ATP11C: variants seen among roughly 807,000 people sequenced by gnomAD.
The protein encoded by ATP11C is ATPase phospholipid transporting 11C (ATP11C blood group).
A neutral mutation model predicts 97.4 loss-of-function variants in ATP11C; 36 were observed. That is an observed-to-expected ratio of 0.37 (90% CI 0.28 to 0.49). The LOEUF is 0.49. Ranked by LOEUF, ATP11C falls within the 20% of genes least tolerant of loss-of-function variation. ATP11C has a pLI of 0.98. For synonymous variants in ATP11C, 275 were observed against 290.9 expected (o/e 0.95, Z 0.56); for missense variants, 730 against 824.6 (o/e 0.89, Z 1.40).
At chrX:139,733,988 A>C (rs1416249463) in intron 28 of ATP11C, among the ~76,000 whole-genome samples, 1 of 111,388 alleles carries the variant, frequency 9.0e-6, no homozygotes. Flanking sequence ...AACAGGAGAT[A>C]ATGAGCTAAA....
At chrX:139,818,775 C>T (rs2083342039) in intron 3 of ATP11C, among the ~76,000 whole-genome samples, 1 of 111,509 alleles carries the variant, frequency 9.0e-6, no homozygotes, top group African/African-American at 3.3e-5. Context: ...GTAATTATGG[C>T]GAGGAAAAGA....
chrX:139,745,874 G>GT lies in ATP11C; in HGVS notation c.2829-18_2829-17insA. The GT allele has an allele frequency of 8.4e-7, 1 of 1,185,238 alleles. No individual in the cohort carries two copies. ...GAAATTTTCCTATTGAGAAATGGGGGGAAAAAACCATTAGTGAAACTTTTC... is the reference window on the plus strand; with the variant it reads ...GAAATTTTCCTATTGAGAAATGGGGGTGAAAAAACCATTAGTGAAACTTTTC... On this transcript the variant is annotated splice_polypyrimidine_tract_variant and intron_variant, in intron 24 of 29. Transcript: ENST00000682941.
chrX:139,878,022 T>C (rs942155311), intron 1 of ATP11C, among the ~76,000 whole-genome samples: 11 of 111,356 alleles, frequency 9.9e-5, no homozygotes, highest in African/African-American at 3.6e-4. Context: ...TGAGACTCTG[T>C]CTCAAAGAGG....
intron 1 of ATP11C, among the ~76,000 whole-genome samples, chrX:139,923,464 C>T (rs116421875): frequency 0.011 from 1,196 of 111,845 alleles, 12 homozygotes; most frequent in African/African-American, 0.037. Context: ...AAACTGCAGG[C>T]TACTGGTGAG....
At chrX:139,753,834 A>G (rs189449524) in intron 23 of ATP11C, among the ~76,000 whole-genome samples, 217 of 110,752 alleles carry the variant, frequency 2.0e-3, no homozygotes, top group African/African-American at 6.8e-3. Context: ...AGGGAAAGGG[A>G]AGAAAAGAAG....
intron 27 of ATP11C, among the ~76,000 whole-genome samples, chrX:139,739,917 AAATAT>A (rs1387665611): frequency 1.8e-5 from 2 of 111,842 alleles, no homozygotes; most frequent in African/African-American, 6.5e-5. Flanking sequence ...TAGAGGTACC[AAATAT>A]ATGCTGTAAT....
chrX:139,731,541 T>G (rs1369105834), intron 29 of ATP11C, 110 bp downstream of exon 29: 2 of 359,141 alleles, frequency 5.6e-6, no homozygotes, highest in Non-Finnish European at 9.4e-6. Context: ...TATTGTAAAG[T>G]TCACCACACC....
At chrX:139,759,355 T>C (rs1488212766) in intron 22 of ATP11C, among the ~76,000 whole-genome samples, 2 of 111,981 alleles carry the variant, frequency 1.8e-5, no homozygotes, top group African/African-American at 6.5e-5. Context: ...GAACTCGAAC[T>C]ATGAATAAAG....
chrX:139,839,379 G>A (rs1479899690), intron 1 of ATP11C, among the ~76,000 whole-genome samples: 1 of 112,073 alleles, frequency 8.9e-6, no homozygotes, highest in Non-Finnish European at 1.9e-5. Context: ...TTTATGTTAT[G>A]TGAATTTCAC....
Position 139,728,818 on chromosome X carries a change from G to T in ATP11C, c.*148C>A. 1 of 688,321 alleles carries T rather than the reference G, an allele frequency of 1.5e-6. No individual in the cohort carries two copies. The highest frequency in any genetic ancestry group is 2.3e-6 in the Non-Finnish European group (1 of 444,177). 56.7% of individuals were successfully genotyped at this position (688,321 alleles called of 1,213,427 possible). The stretch of plus-strand genomic sequence containing the variant: ...TAATGAACATTTATTGTGAACTCTA[G>T]ACATGAGAGTGGTTTAGTGTGTTGC... On this transcript the variant is annotated 3_prime_UTR_variant, in exon 30 of 30. Coordinates refer to ENST00000682941, the MANE Select transcript of ATP11C (RefSeq NM_001353812.2).
intron 1 of ATP11C, among the ~76,000 whole-genome samples, chrX:139,902,820 C>A (rs1391012771): frequency 9.0e-6 from 1 of 111,731 alleles, no homozygotes; most frequent in Non-Finnish European, 1.9e-5. Context: ...AGCACAGTGA[C>A]AATTCTAATG....
At chrX:139,842,179 C>A (rs1245743231) in intron 1 of ATP11C, among the ~76,000 whole-genome samples, 3 of 112,391 alleles carry the variant, frequency 2.7e-5, no homozygotes, top group Non-Finnish European at 5.6e-5. Context: ...CTACAGGCAC[C>A]CGCCACCACA....
Position 139,814,951 on chromosome X carries a change from T to C in ATP11C, c.353A>G (p.Asn118Ser), listed in dbSNP as rs762800219. 4 of 1,170,594 alleles carry C rather than the reference T, an allele frequency of 3.4e-6. No individual in the cohort carries two copies. The East Asian group carries it at 9.2e-5, about 27-fold the overall frequency. The change falls in exon 5 of 30, where the codon AAT becomes AGT. Residue 118 changes from asparagine to serine, a missense_variant. By Grantham distance (46) the Asn-to-Ser change is conservative (BLOSUM62 1). Transcript: ENST00000682941. ...GTAAACAGTGCTTTTGTTGACTTCA[T>C]TGTCAGCTCTGTGTCTCAGACAATC... ...YEDCLRHRAD[N>S]EVNKSTVYII...
chrX:139,771,255 T>C (rs754437827), intron 19 of ATP11C, among the ~76,000 whole-genome samples: 1 of 111,869 alleles, frequency 8.9e-6, no homozygotes, highest in South Asian at 3.9e-4. Flanking sequence ...CTCATTTTTC[T>C]GTTACCGTAG....
At chrX:139,821,333 A>T (rs1447349415) in intron 2 of ATP11C, among the ~76,000 whole-genome samples, 1 of 112,123 alleles carries the variant, frequency 8.9e-6, no homozygotes, top group African/African-American at 3.2e-5. Context: ...GCTTGTGACC[A>T]AAAATAGAAG....
intron 1 of ATP11C, among the ~76,000 whole-genome samples, chrX:139,834,665 T>G (rs914033229): frequency 8.9e-6 from 1 of 112,145 alleles, no homozygotes; most frequent in Non-Finnish European, 1.9e-5. Flanking sequence ...AAAAATTGTT[T>G]AGATTGTTAA....
chrX:139,923,248 C>T (rs1358283648), intron 1 of ATP11C, among the ~76,000 whole-genome samples: 1 of 112,034 alleles, frequency 8.9e-6, no homozygotes, highest in Non-Finnish European at 1.9e-5. Flanking sequence ...AATCTCAGAA[C>T]CTTCAGCCCT....
chrX:139,780,895 T>C (rs1455116057), intron 18 of ATP11C, among the ~76,000 whole-genome samples: 1 of 110,782 alleles, frequency 9.0e-6, no homozygotes, highest in African/African-American at 3.3e-5. Flanking sequence ...GACATAAAAA[T>C]GGAAATAACA....
At position 139,763,085 on chromosome X, in the gene ATP11C, T is replaced by C. The variant is rs542866567; in HGVS notation, c.2494+231A>G. Among the ~76,000 whole-genome samples the C allele has an allele frequency of 1.2e-3, 134 of 112,660 alleles. 2 individuals carry two copies. The highest frequency in any genetic ancestry group is 2.9e-3 in the South Asian group (8 of 2,727). On this transcript the variant is annotated intron_variant, in intron 21 of 29. Transcript: ENST00000682941. ...TGGGAAATTCACTCTACTTGGCTAA[T>C]TGAAAAATATCCTTTAACTTTGTTA...
Sources: allele counts gnomAD v4.1 joint callset (sites outside exome capture counted in the v4.1 genomes callset), GRCh38; gene constraint gnomAD v4.1.1; transcripts MANE v1.5; gene names NCBI Gene and HGNC (gene_info 2026-07-23, HGNC 2026-07-21).